Variants in MLXIP observed in about 807,000 individuals in gnomAD.
MLXIP encodes MLX-interacting protein.
Under a neutral mutation model 87.2 loss-of-function variants are expected in MLXIP, and 30 were observed. That is an observed-to-expected ratio of 0.34 (90% CI 0.26 to 0.47). MLXIP has a LOEUF of 0.47. Ranked by LOEUF, MLXIP falls within the 20% of genes least tolerant of loss-of-function variation. The pLI, the probability that MLXIP is intolerant of heterozygous loss-of-function variation, is 1.00. For synonymous variants in MLXIP, 530 were observed against 514.0 expected, an observed-to-expected ratio of 1.03 and a Z score of -0.42; for missense variants, 1,002 against 1,240.1, an observed-to-expected ratio of 0.81 and a Z score of 2.88.
At chr12:122,099,568 T>C (rs1952406381) in intron 1 of MLXIP, among the ~76,000 whole-genome samples, 1 of 152,228 alleles carries the variant, frequency 6.6e-6, no homozygotes, top group Non-Finnish European at 1.5e-5. Flanking sequence ...CAATGACCTT[T>C]TTGGTCTGAT....
chr12:122,083,990 G>A (rs1486076029), intron 1 of MLXIP, among the ~76,000 whole-genome samples: 1 of 152,194 alleles, frequency 6.6e-6, no homozygotes, highest in East Asian at 1.9e-4. Flanking sequence ...GTGCACTGAG[G>A]TGGGAGCCGG....
intron 11 of MLXIP, chr12:122,136,728 T>C (rs1424864394): frequency 6.6e-6 from 1 of 152,192 alleles, no homozygotes; most frequent in African/African-American, 2.4e-5. Context: ...GTCTCTGACT[T>C]AGTGGGCTCA....
chr12:122,116,596 G>T (rs755889628), intron 1 of MLXIP, among the ~76,000 whole-genome samples: 1 of 152,198 alleles, frequency 6.6e-6, no homozygotes. Context: ...TAGGACTCTG[G>T]CTTTAAATGG....
intron 1 of MLXIP, among the ~76,000 whole-genome samples, chr12:122,097,676 G>GT (rs200528564): frequency 0.019 from 2,917 of 152,002 alleles, 98 homozygotes; most frequent in African/African-American, 0.068. Context: ...GAAGGCCGGT[G>GT]TCCCCACACT....
Position 122,110,905 on chromosome 12 carries a change from G to A in MLXIP, c.414-16351G>A, listed in dbSNP as rs1429466987. 4.6e-5 allele frequency among the ~76,000 whole-genome samples: 7 copies of A among 151,764 alleles called. No individual in the cohort carries two copies. In the East Asian group the frequency reaches 7.8e-4, roughly 17 times the overall value. ...ATCCTGGCTAACATGGTGAAACCCCGTCTCTACTAAAAATACAAAAAATTA... is the reference window on the plus strand; with the variant it reads ...ATCCTGGCTAACATGGTGAAACCCCATCTCTACTAAAAATACAAAAAATTA... On this transcript the variant is annotated intron_variant, in intron 1 of 16. Transcript: ENST00000319080.
intron 1 of MLXIP, among the ~76,000 whole-genome samples, chr12:122,119,333 G>C (rs1295514879): frequency 1.3e-5 from 2 of 152,120 alleles, no homozygotes; most frequent in Non-Finnish European, 2.9e-5. Flanking sequence ...ACATAGAAAT[G>C]TGTTATTTTA....
Position 122,118,709 on chromosome 12 carries a change from G to A in MLXIP, c.414-8547G>A, listed in dbSNP as rs537936075. Among the ~76,000 whole-genome samples, 48 of 151,546 alleles carry A rather than the reference G, an allele frequency of 3.2e-4. 1 individual carries two copies. Among genetic ancestry groups the A allele is most frequent in the Admixed American group, 1.5e-3 (23 of 15,244 alleles). On this transcript the variant is annotated intron_variant, in intron 1 of 16. Transcript: ENST00000319080. Reference sequence around the variant, plus strand: ...CTAAAAATACAAAAATTAGCTGGGCGTGGTGGTACACGCCTGTTATCCCAG... The same window carrying A: ...CTAAAAATACAAAAATTAGCTGGGCATGGTGGTACACGCCTGTTATCCCAG...
At chr12:122,079,323 A>G in intron 1 of MLXIP, 57 bp downstream of exon 1, 1 of 1,490,698 alleles carries the variant, frequency 6.7e-7, no homozygotes, top group Non-Finnish European at 9.1e-7. Flanking sequence ...TTGACAAAAC[A>G]AGCGTGGAGG....
At position 122,133,998 on chromosome 12, in the gene MLXIP, CG is replaced by C; in HGVS notation, c.1732+15del. 2 of 1,587,484 alleles carry C rather than the reference CG, an allele frequency of 1.3e-6. No individual in the cohort carries two copies. Among genetic ancestry groups the C allele is most frequent in the African/African-American group, 1.3e-5 (1 of 74,468 alleles). ...CCCGTATCGCCCCAGGTGAGCCAGGCGGGGAGACTCAGTGCGGGGCTCCCCC... is the reference window on the plus strand; with the variant it reads ...CCCGTATCGCCCCAGGTGAGCCAGGCGGGAGACTCAGTGCGGGGCTCCCCC... On this transcript the variant is annotated intron_variant, in intron 9 of 16. Coordinates refer to ENST00000319080, the MANE Select transcript of MLXIP (RefSeq NM_014938.6). This position sits in a 1 kb window ranked among gnomAD's most constrained non-coding sequence, Gnocchi z 4.9.
At chr12:122,101,190 G>C (rs1952430519) in intron 1 of MLXIP, among the ~76,000 whole-genome samples, 1 of 152,132 alleles carries the variant, frequency 6.6e-6, no homozygotes. Context: ...ATTCTGTGGA[G>C]GTTCTTTTCC....
rs534456448 is a variant in MLXIP, at chr12:122,084,960, C to T, written c.413+5694C>T. On this transcript the variant is annotated intron_variant, in intron 1 of 16. Coordinates refer to ENST00000319080, the MANE Select transcript of MLXIP (RefSeq NM_014938.6). Reference sequence around the variant, plus strand: ...AAAAAATAAAAAACCAAAGCTCAGACGTTAATTAGCTGTGTTACCGAGAGG... The same window carrying T: ...AAAAAATAAAAAACCAAAGCTCAGATGTTAATTAGCTGTGTTACCGAGAGG... 1.3e-4 allele frequency among the ~76,000 whole-genome samples: 20 copies of T among 152,246 alleles called. No homozygotes were observed. The South Asian group carries it at 1.9e-3, about 14-fold the overall frequency.
At position 122,137,664 on chromosome 12, in the gene MLXIP, T is replaced by C. The variant is rs1314419963; in HGVS notation, c.2154+74T>C. 3 of 1,576,462 alleles carry C rather than the reference T, an allele frequency of 1.9e-6. No individual in the cohort carries two copies. The highest frequency in any genetic ancestry group is 1.8e-5 in the Admixed American group (1 of 57,068). ...CAGGACATCAAGGATCTGTGTCTTG[T>C]CTGGAACGGAGACCTCAGACCCAGC... On this transcript the variant is annotated intron_variant, in intron 12 of 16. Coordinates refer to ENST00000319080, the MANE Select transcript of MLXIP (RefSeq NM_014938.6). This position sits in a 1 kb window ranked among gnomAD's most constrained non-coding sequence, Gnocchi z 4.1.
rs1953248103 is a variant in MLXIP at position 122,143,572 on chromosome 12, G to A, written c.*1760G>A. On this transcript the variant is annotated 3_prime_UTR_variant, in exon 17 of 17. Transcript: ENST00000319080. ...TGTCCCAAAGGCAGAGGCCACCGTGGTAGGAATTCCACCAAGGCCAGAAGG... is the reference window on the plus strand; with the variant it reads ...TGTCCCAAAGGCAGAGGCCACCGTGATAGGAATTCCACCAAGGCCAGAAGG... 1 of 152,294 alleles carries A rather than the reference G, an allele frequency of 6.6e-6. No individual in the cohort carries two copies. Among genetic ancestry groups the A allele is most frequent in the Non-Finnish European group, 1.5e-5 (1 of 68,102 alleles). 9.4% of individuals were successfully genotyped at this position (152,294 alleles called of 1,614,324 possible). A position where few individuals can be genotyped will look rare whatever the true frequency, so the allele number is the denominator to read the frequency against.
At chr12:122,115,689 A>G (rs953330352) in intron 1 of MLXIP, among the ~76,000 whole-genome samples, 2 of 151,988 alleles carry the variant, frequency 1.3e-5, no homozygotes, top group Non-Finnish European at 2.9e-5. Flanking sequence ...TGAAAATCCT[A>G]GGGGAAACAT....
In MLXIP at chr12:122,143,922, G is replaced by C. The variant is rs1953254471; in HGVS notation, c.*2110G>C. ...AGTGTGTGTGTGTGTCCCAGCGACT[G>C]TCCACTGTCCAGGAGATGCATGTCT... On this transcript the variant is annotated 3_prime_UTR_variant, in exon 17 of 17. Transcript: ENST00000319080. 6.6e-6 allele frequency: 1 copy of C among 152,642 alleles called. No individual in the cohort carries two copies. Among genetic ancestry groups the C allele is most frequent in the South Asian group, 2.1e-4 (1 of 4,834 alleles). The allele number at this position is 152,642 out of a possible 1,614,324, so 9.5% of individuals were successfully genotyped here.
chr12:122,131,689 G>A (rs1952981820), intron 7 of MLXIP, among the ~76,000 whole-genome samples: 1 of 151,764 alleles, frequency 6.6e-6, no homozygotes, highest in African/African-American at 2.4e-5. Context: ...GCTTCCCAAA[G>A]TGCTGGGATT....
intron 1 of MLXIP, among the ~76,000 whole-genome samples, chr12:122,096,618 G>C (rs1593068357): frequency 6.6e-6 from 1 of 152,218 alleles, no homozygotes; most frequent in Non-Finnish European, 1.5e-5. Context: ...TGTTTATTCT[G>C]AGTCCGGGAG....
chr12:122,093,618 GTGGTGTGTGTGT>G (rs1406243528), intron 1 of MLXIP, among the ~76,000 whole-genome samples: 13 of 144,582 alleles, frequency 9.0e-5, no homozygotes, highest in African/African-American at 3.1e-4. Flanking sequence ...TGGTGTGTGT[GTGGTGTGTGTGT>G]TGGTGTGTGG....
At chr12:122,081,544 G>T (rs1952091058) in intron 1 of MLXIP, among the ~76,000 whole-genome samples, 1 of 152,136 alleles carries the variant, frequency 6.6e-6, no homozygotes, top group South Asian at 2.1e-4. Context: ...GAGGCAACGC[G>T]GGGCGTGGTG....
Sources: allele counts gnomAD v4.1 joint callset (sites outside exome capture counted in the v4.1 genomes callset), GRCh38; gene constraint gnomAD v4.1.1; non-coding constraint Gnocchi (gnomAD v3.1); transcripts MANE v1.5; gene names NCBI Gene and HGNC (gene_info 2026-07-23, HGNC 2026-07-21).